The following SYNPO2 variants were observed in gnomAD, a reference collection of about 807,000 sequenced individuals.
SYNPO2 encodes synaptopodin-2.
In SYNPO2, 56 loss-of-function variants were observed where a neutral mutation model predicts 85.0. The observed-to-expected ratio is 0.66, with a 90% confidence interval of 0.53 to 0.82. The LOEUF is 0.82. SYNPO2 is among the 40% of genes least tolerant of loss of function. The pLI is 0.00. For missense variants in SYNPO2, 1,575 were observed against 1,534.2 expected (o/e 1.03, Z -0.44); for synonymous variants, 602 against 591.1 (o/e 1.02, Z -0.27).
chr4:118,888,482 T>C (rs188489625), upstream of SYNPO2, among the ~76,000 whole-genome samples: 3 of 152,326 alleles, frequency 2.0e-5, no homozygotes, highest in East Asian at 3.9e-4. Flanking sequence ...GTGGCAAGTC[T>C]CAAAACATTT....
intron 1 of SYNPO2, among the ~76,000 whole-genome samples, chr4:118,873,921 G>A (rs1418672049): frequency 9.0e-6 from 1 of 110,962 alleles, no homozygotes; most frequent in Non-Finnish European, 2.0e-5. Context: ...TTTCCCACTG[G>A]CATTTATTAA....
intron 1 of SYNPO2, among the ~76,000 whole-genome samples, chr4:118,929,920 G>T (rs1388102884): frequency 1.3e-5 from 2 of 152,064 alleles, no homozygotes; most frequent in African/African-American, 4.8e-5. Context: ...CAGGTGGTTA[G>T]TATTAATTTA....
chr4:119,000,039 C>T (rs1442520215), intron 1 of SYNPO2, among the ~76,000 whole-genome samples: 1 of 152,156 alleles, frequency 6.6e-6, no homozygotes, highest in African/African-American at 2.4e-5. Context: ...AGCAACTCTC[C>T]TTTAATAAGT....
intron 1 of SYNPO2, among the ~76,000 whole-genome samples, chr4:118,935,300 T>C (rs1305085517): frequency 6.6e-6 from 1 of 152,222 alleles, no homozygotes; most frequent in Non-Finnish European, 1.5e-5. Flanking sequence ...AATGATTACC[T>C]TCAAGTAAAA....
At chr4:119,046,260 A>G (rs1738864539) in intron 4 of SYNPO2, among the ~76,000 whole-genome samples, 1 of 152,212 alleles carries the variant, frequency 6.6e-6, no homozygotes, top group Non-Finnish European at 1.5e-5. Flanking sequence ...TTCCTCCTTC[A>G]TGTTGGTCTT....
chr4:119,034,846 GCCTC>G (rs1738437264), intron 4 of SYNPO2: 8 of 985,426 alleles, frequency 8.1e-6, no homozygotes, highest in African/African-American at 1.7e-5. Flanking sequence ...CCAGACGTCA[GCCTC>G]CCTCCCATGG....
At chr4:118,956,976 T>C (rs966363052) in intron 1 of SYNPO2, among the ~76,000 whole-genome samples, 1 of 151,060 alleles carries the variant, frequency 6.6e-6, no homozygotes, top group Non-Finnish European at 1.5e-5. Flanking sequence ...ACCTGGGAGG[T>C]AGAGGTTGCA....
At chr4:118,862,720 T>G (rs1292759185) in intron 1 of SYNPO2, among the ~76,000 whole-genome samples, 1 of 152,206 alleles carries the variant, frequency 6.6e-6, no homozygotes, top group Non-Finnish European at 1.5e-5. Context: ...GTGTTTGAAT[T>G]CAGTTTGCTA....
chr4:119,041,239 A>T (rs1184199197), intron 4 of SYNPO2, among the ~76,000 whole-genome samples: 2 of 152,232 alleles, frequency 1.3e-5, no homozygotes, highest in Non-Finnish European at 2.9e-5. Flanking sequence ...GAATTGATTT[A>T]GTCTTGCTTT....
At chr4:118,994,263 A>G (rs148306585) in intron 1 of SYNPO2, among the ~76,000 whole-genome samples, 6 of 152,262 alleles carry the variant, frequency 3.9e-5, no homozygotes, top group Non-Finnish European at 7.3e-5. Flanking sequence ...GGAGCATCAC[A>G]AAATCTATAA....
chr4:118,864,386 T>C (rs895259437), intron 1 of SYNPO2, among the ~76,000 whole-genome samples: 3 of 152,220 alleles, frequency 2.0e-5, no homozygotes, highest in Non-Finnish European at 2.9e-5. Context: ...GAATGATCCA[T>C]GTGCTGAGGA....
At chr4:118,988,346 T>C (rs1736293465) in intron 1 of SYNPO2, among the ~76,000 whole-genome samples, 1 of 151,728 alleles carries the variant, frequency 6.6e-6, no homozygotes, top group South Asian at 2.1e-4. Context: ...GAAAAAGGTG[T>C]TAATGGAGAA....
chr4:119,047,301 C>G (rs1293482634), intron 4 of SYNPO2, among the ~76,000 whole-genome samples: 1 of 152,238 alleles, frequency 6.6e-6, no homozygotes, highest in Non-Finnish European at 1.5e-5. Flanking sequence ...CTCAGATGAT[C>G]CACCCACTCG....
At chr4:118,872,992 G>T (rs939030687) in intron 1 of SYNPO2, among the ~76,000 whole-genome samples, 3 of 152,074 alleles carry the variant, frequency 2.0e-5, no homozygotes, top group African/African-American at 7.2e-5. Context: ...TGCTGTAAAA[G>T]ACATAATTTC....
intron 4 of SYNPO2, chr4:119,032,927 A>ATTT: frequency 1.1e-6 from 1 of 926,604 alleles, no homozygotes; most frequent in Non-Finnish European, 1.3e-6. Flanking sequence ...TTAAAGGTTG[A>ATTT]TTCCCACCCT....
chr4:118,856,219 A>G (rs776092828), intron 1 of SYNPO2, among the ~76,000 whole-genome samples: 1 of 152,226 alleles, frequency 6.6e-6, no homozygotes, highest in Non-Finnish European at 1.5e-5. Flanking sequence ...GTGCTCAGAA[A>G]ATGTCCTATC....
intron 1 of SYNPO2, among the ~76,000 whole-genome samples, chr4:118,855,366 T>C (rs2110562032): frequency 6.6e-6 from 1 of 152,242 alleles, no homozygotes; most frequent in African/African-American, 2.4e-5. Context: ...TTTATTGAAA[T>C]AATTACTCTC....
chr4:118,929,346 A>C (rs1733842119), intron 1 of SYNPO2, among the ~76,000 whole-genome samples: 1 of 152,136 alleles, frequency 6.6e-6, no homozygotes, highest in Non-Finnish European at 1.5e-5. Context: ...AGTTTGCATG[A>C]GTAACTGAGT....
intron 1 of SYNPO2, among the ~76,000 whole-genome samples, chr4:118,900,769 A>G (rs1732726876): frequency 1.4e-5 from 2 of 142,994 alleles, no homozygotes; most frequent in African/African-American, 5.2e-5. Context: ...CTATCTATCT[A>G]TCTATCTATC....
Sources: gnomAD v4.1 joint callset for allele counts (sites outside exome capture counted in the v4.1 genomes callset) on GRCh38, gnomAD v4.1.1 for gene constraint, MANE v1.5 for transcripts, NCBI Gene and HGNC (gene_info 2026-07-23, HGNC 2026-07-21) for gene names.